HRG: variants seen among roughly 807,000 people sequenced by gnomAD.
HRG encodes the protein histidine rich glycoprotein, also known as histidine-rich glycoprotein.
In HRG, 26 loss-of-function variants were observed where a neutral mutation model predicts 29.5. The observed-to-expected ratio is 0.88, with a 90% CI of 0.65 to 1.22. The LOEUF (loss-of-function observed/expected upper bound fraction) is 1.22. HRG is among the 50% of genes most tolerant of loss of function. The pLI is 0.00. For missense variants in HRG, 671 were observed against 654.5 expected, an observed-to-expected ratio of 1.03 and a Z score of -0.28; for synonymous variants, 243 against 240.4, an observed-to-expected ratio of 1.01 and a Z score of -0.10.
In HRG at chr3:186,675,094, T is replaced by G. The variant is rs904071044; in HGVS notation, c.645T>G (p.Phe215Leu). ...AGCTCCTCATTCCTTTGTAGGTCTT[T>G]GGATTCTGCAGAGCAGATTTGTTCT... ...RHHFPRHPNVFGFCRADLFYD... is the reference protein window; with the variant it reads ...RHHFPRHPNVLGFCRADLFYD... The change falls in exon 6 of 7, where the codon TTT becomes TTG. Residue 215 changes from phenylalanine (F) to leucine (L), a missense_variant. Coordinates refer to ENST00000232003, the MANE Select transcript of HRG (RefSeq NM_000412.5). The G allele has an allele frequency of 6.2e-7, 1 of 1,611,600 alleles. No individual in the cohort carries two copies. Among genetic ancestry groups the G allele is most frequent in the Non-Finnish European group, 8.5e-7 (1 of 1,177,776 alleles).
In HRG at chr3:186,675,092, T is replaced by C. The variant is rs147479927; in HGVS notation, c.643T>C (p.Phe215Leu). The change falls in exon 6 of 7, where the codon TTT becomes CTT. Residue 215 changes from phenylalanine to leucine, a missense_variant. Physicochemically the swap from Phe to Leu is conservative, Grantham distance 22 (BLOSUM62 0). Transcript: ENST00000232003. The stretch of plus-strand genomic sequence containing the variant: ...ACAGCTCCTCATTCCTTTGTAGGTC[T>C]TTGGATTCTGCAGAGCAGATTTGTT... ...RHHFPRHPNV[F>L]GFCRADLFYD... 4.3e-5 allele frequency: 70 copies of C among 1,610,726 alleles called. No homozygotes were observed. The African/African-American group carries it at 8.8e-4, about 20-fold the overall frequency.
At chr3:186,672,648 A>G in intron 4 of HRG, 139 bp from the exon 5 acceptor site, 1 of 703,878 alleles carries the variant, frequency 1.4e-6, no homozygotes, top group South Asian at 1.6e-5. Context: ...AAAGGCAGAA[A>G]CCATTTTAAA....
rs367683269 is a variant in HRG, at chr3:186,669,952, T to C, written c.315T>C (p.Cys105=). The C allele has an allele frequency of 6.3e-7, 1 of 1,584,480 alleles. No individual in the cohort carries two copies. Among genetic ancestry groups the C allele is most frequent in the Non-Finnish European group, 8.7e-7 (1 of 1,154,758 alleles). ...RRPSEIVIGQ[C]KVIATRHSHE... is the part of the protein sequence containing the mutation. ...CTTTCTTACAGGTGATCGGACAATG[T>C]AAGGTAATAGCTACAAGACATTCCC... The change falls in exon 3 of 7, where the codon TGT becomes TGC. Residue 105 remains cysteine, a synonymous_variant. Coordinates refer to ENST00000232003, the MANE Select transcript of HRG (RefSeq NM_000412.5).
chr3:186,667,839 A>C (rs1172460133), intron 1 of HRG, among the ~76,000 whole-genome samples: 1 of 152,098 alleles, frequency 6.6e-6, no homozygotes, highest in Non-Finnish European at 1.5e-5. Context: ...AAACAAGCTT[A>C]CTGTCTTCGC....
chr3:186,668,575 C>G (rs980924429), intron 1 of HRG: 1 of 273,576 alleles, frequency 3.7e-6, no homozygotes, highest in African/African-American at 2.2e-5. Flanking sequence ...AGTAATAGAG[C>G]TGGGCAAGAG....
intron 2 of HRG, chr3:186,669,466 C>T (rs1718715652): frequency 3.0e-6 from 1 of 335,072 alleles, no homozygotes; most frequent in South Asian, 2.9e-5. Flanking sequence ...CAGGAATGGC[C>T]AAAGTAATTA....
intron 5 of HRG, chr3:186,674,005 C>T (rs1036040094): frequency 2.4e-4 from 37 of 152,246 alleles, no homozygotes; most frequent in African/African-American, 8.4e-4. Flanking sequence ...TACCTAAAGG[C>T]ACTTAGCTAG....
intron 2 of HRG, 176 bp from the exon 3 acceptor site, chr3:186,669,762 C>T: frequency 1.5e-6 from 1 of 652,776 alleles, no homozygotes; most frequent in South Asian, 1.7e-5. Context: ...CAACAGGATG[C>T]AGCACACAGA....
intron 4 of HRG, among the ~76,000 whole-genome samples, chr3:186,672,116 A>G (rs1054921552): frequency 3.3e-5 from 5 of 152,170 alleles, no homozygotes; most frequent in African/African-American, 4.8e-5. Context: ...TTCTTGTACT[A>G]TGATGGAAAA....
At chr3:186,667,961 A>T (rs1415201219) in intron 1 of HRG, among the ~76,000 whole-genome samples, 4 of 152,128 alleles carry the variant, frequency 2.6e-5, no homozygotes, top group Non-Finnish European at 5.9e-5. Context: ...TGATGGAAAA[A>T]CTGAAATTAG....
In HRG at chr3:186,677,160, T is replaced by G; in HGVS notation, c.855T>G (p.Asp285Glu). ...CATTCAAGCCCCATGGATCTAGAGA[T>G]CATCATCATCCCCACAAGCCACACG... is the stretch of plus-strand genomic sequence containing the variant. ...KPPFKPHGSR[D>E]HHHPHKPHEH... The change falls in exon 7 of 7, where the codon GAT (aspartate) becomes GAG (glutamate). Residue 285 changes from aspartate to glutamate, a missense_variant. Coordinates refer to ENST00000232003, the MANE Select transcript of HRG (RefSeq NM_000412.5). The G allele has an allele frequency of 6.2e-7, 1 of 1,604,032 alleles. No homozygotes were observed. Among genetic ancestry groups the G allele is most frequent in the Non-Finnish European group, 8.5e-7 (1 of 1,179,666 alleles).
Position 186,673,679 on chromosome 3 carries a change from T to C in HRG, c.639+812T>C, listed in dbSNP as rs549908659. 3.9e-5 allele frequency: 6 copies of C among 152,268 alleles called. No homozygotes were observed. In the East Asian group the frequency reaches 1.2e-3, roughly 29 times the overall value. 9.4% of individuals were successfully genotyped at this position (152,268 alleles called of 1,614,324 possible). A position where few individuals can be genotyped will look rare whatever the true frequency, so the allele number is the denominator to read the frequency against. On this transcript the variant is annotated intron_variant, in intron 5 of 6. Coordinates refer to ENST00000232003, the MANE Select transcript of HRG (RefSeq NM_000412.5). ...ATCATCACACTCACAGGAATCCCAC[T>C]TGACAAATGAGGAGGTAACTGAAAA...
chr3:186,676,353 C>T lies in HRG; in HGVS notation c.742-694C>T, dbSNP rs535047500. Among the ~76,000 whole-genome samples, 17 of 151,662 alleles carry T rather than the reference C, an allele frequency of 1.1e-4. No individual in the cohort carries two copies. The East Asian group carries it at 1.2e-3, about 10-fold the overall frequency. On this transcript the variant is annotated intron_variant, in intron 6 of 6. Coordinates refer to ENST00000232003, the MANE Select transcript of HRG (RefSeq NM_000412.5). ...GCCAGGTCATAATATTGTTTCACCA[C>T]TCTGTGTAGTAAAAATGAAAAAAAA...
At chr3:186,668,221 T>A (rs1362109327) in intron 1 of HRG, among the ~76,000 whole-genome samples, 3 of 152,074 alleles carry the variant, frequency 2.0e-5, no homozygotes, top group African/African-American at 7.2e-5. Context: ...CTGGGGAAAC[T>A]GAGGCAAGAG....
chr3:186,667,577 A>T (rs1718653820), intron 1 of HRG, among the ~76,000 whole-genome samples: 1 of 152,088 alleles, frequency 6.6e-6, no homozygotes, highest in Admixed American at 6.6e-5. Context: ...GAGCAATTTA[A>T]TGAGGGGAGA....
chr3:186,678,022 A>G lies in HRG; in HGVS notation c.*139A>G. 1 of 818,290 alleles carries G rather than the reference A, an allele frequency of 1.2e-6. No individual in the cohort carries two copies. The highest frequency in any genetic ancestry group is 2.0e-6 in the Non-Finnish European group (1 of 508,534). The allele number at this position is 818,290 out of a possible 1,614,324, so 50.7% of individuals were successfully genotyped here. On this transcript the variant is annotated 3_prime_UTR_variant, in exon 7 of 7. Transcript: ENST00000232003. ...TGCAGCAAAATGTGAATGGGAAAAGAGATGGCCTGAGAAGAGAGATCAAAT... is the reference window on the plus strand; with the variant it reads ...TGCAGCAAAATGTGAATGGGAAAAGGGATGGCCTGAGAAGAGAGATCAAAT...
At chr3:186,669,770 A>G (rs1280155914) in intron 2 of HRG, 168 bp from the exon 3 acceptor site, 1 of 667,060 alleles carries the variant, frequency 1.5e-6, no homozygotes, top group East Asian at 2.8e-5. Flanking sequence ...TGCAGCACAC[A>G]GAAACTGACT....
Position 186,671,727 on chromosome 3 carries a change from A to G in HRG, c.496A>G (p.Lys166Glu). Reference protein sequence around the residue: ...KQANKALEKYKEENDDFASFR... With the variant: ...KQANKALEKYEEENDDFASFR... Reference sequence around the variant, plus strand: ...AGCCAACAAAGCCCTTGAGAAGTACAAAGAGGAGAATGATGACTTTGCCTC... The same window carrying G: ...AGCCAACAAAGCCCTTGAGAAGTACGAAGAGGAGAATGATGACTTTGCCTC... The change falls in exon 4 of 7, where the codon AAA becomes GAA. Residue 166 changes from lysine (K) to glutamate (E), a missense_variant. Transcript: ENST00000232003. 1 of 1,614,004 alleles carries G rather than the reference A, an allele frequency of 6.2e-7. No individual in the cohort carries two copies. Among genetic ancestry groups the G allele is most frequent in the Non-Finnish European group, 8.5e-7 (1 of 1,179,920 alleles).
chr3:186,678,069 A>C lies in HRG; in HGVS notation c.*186A>C, dbSNP rs111484368. On this transcript the variant is annotated 3_prime_UTR_variant, in exon 7 of 7. Coordinates refer to ENST00000232003, the MANE Select transcript of HRG (RefSeq NM_000412.5). Reference sequence around the variant, plus strand: ...AAATGGAAAGGAGAGGAAAGAACTCAGTGCTGCCTATTAGTAGTTAATTCT... The same window carrying C: ...AAATGGAAAGGAGAGGAAAGAACTCCGTGCTGCCTATTAGTAGTTAATTCT... 103 of 612,882 alleles carry C rather than the reference A, an allele frequency of 1.7e-4. No individual in the cohort carries two copies. Among genetic ancestry groups the C allele is most frequent in the African/African-American group, 1.6e-3 (86 of 54,336 alleles). The allele number at this position is 612,882 out of a possible 1,614,324, so 38.0% of individuals were successfully genotyped here. A position where few individuals can be genotyped will look rare whatever the true frequency, so the allele number is the denominator to read the frequency against.
Sources: allele counts gnomAD v4.1 joint callset (sites outside exome capture counted in the v4.1 genomes callset), GRCh38; gene constraint gnomAD v4.1.1; transcripts MANE v1.5; gene names NCBI Gene and HGNC (gene_info 2026-07-23, HGNC 2026-07-21).